Variants in IGFL2 observed in about 807,000 individuals in gnomAD.
IGFL2 encodes insulin growth factor-like family member 2.
Under a neutral mutation model 13.9 loss-of-function variants are expected in IGFL2, and 7 were observed. The observed-to-expected ratio is 0.51, with a 90% CI of 0.29 to 0.95. The LOEUF (loss-of-function observed/expected upper bound fraction) is 0.95. Ranked by LOEUF, IGFL2 falls within the 40% of genes least tolerant of loss-of-function variation. The probability of loss-of-function intolerance (pLI) is 0.08; values close to 1 mark genes in which losing one functional copy is unlikely to be tolerated. For missense variants in IGFL2, 138 were observed against 147.8 expected (o/e 0.93, Z 0.34); for synonymous variants, 55 against 55.8 (o/e 0.99, Z 0.07).
chr19:46,182,691 T>C, the IGFL2 span, among the ~76,000 whole-genome samples: 1 of 152,196 alleles, frequency 6.6e-6, no homozygotes, highest in Admixed American at 6.5e-5. Context: ...CGGTGTTGCA[T>C]GTGTCAGATC....
chr19:46,100,543 C>T, the IGFL2 span, among the ~76,000 whole-genome samples: 10 of 152,132 alleles, frequency 6.6e-5, no homozygotes, highest in African/African-American at 2.4e-4. Context: ...ATAACACAAA[C>T]AGAATGTGGT....
chr19:46,091,356 T>C, the IGFL2 span, among the ~76,000 whole-genome samples: 3 of 152,230 alleles, frequency 2.0e-5, no homozygotes, highest in Admixed American at 2.0e-4. Context: ...TGAAAGAATA[T>C]AGGCAAACTG....
intron 1 of IGFL2, among the ~76,000 whole-genome samples, chr19:46,153,839 ATT>A (rs1555744721): frequency 1.6e-4 from 22 of 139,356 alleles, no homozygotes; most frequent in South Asian, 1.1e-3. Flanking sequence ...ATATATATAT[ATT>A]TTTTTTACTT....
chr19:46,194,449 C>T, the IGFL2 span, among the ~76,000 whole-genome samples: 1 of 152,120 alleles, frequency 6.6e-6, no homozygotes, highest in Non-Finnish European at 1.5e-5. Context: ...TAACTTTCAT[C>T]ACTCATTGGG....
intron 1 of IGFL2, among the ~76,000 whole-genome samples, chr19:46,153,443 A>T (rs1043000966): frequency 2.0e-5 from 3 of 152,032 alleles, no homozygotes; most frequent in African/African-American, 4.8e-5. Flanking sequence ...ACATTTTTTC[A>T]TATACTTTTT....
the IGFL2 span, among the ~76,000 whole-genome samples, chr19:46,128,528 A>C: frequency 6.6e-6 from 1 of 152,138 alleles, no homozygotes; most frequent in Non-Finnish European, 1.5e-5. Context: ...TTCAATACCT[A>C]GTTTATTGAG....
the IGFL2 span, among the ~76,000 whole-genome samples, chr19:46,167,836 G>C: frequency 2.0e-4 from 31 of 152,212 alleles, no homozygotes; most frequent in African/African-American, 7.5e-4. Context: ...TCAGCACACA[G>C]TGAGAGGGCG....
At chr19:46,136,939 T>G in the IGFL2 span, 1 of 1,140,034 alleles carries the variant, frequency 8.8e-7, no homozygotes, top group Non-Finnish European at 1.3e-6. Flanking sequence ...GAGGTGTCTG[T>G]AAAGTTGTTG....
At chr19:46,109,223 G>A in the IGFL2 span, among the ~76,000 whole-genome samples, 3 of 152,162 alleles carry the variant, frequency 2.0e-5, no homozygotes, top group African/African-American at 4.8e-5. Context: ...GTTCTTATAG[G>A]TTTGGAATAG....
the IGFL2 span, among the ~76,000 whole-genome samples, chr19:46,080,296 G>A: frequency 6.6e-6 from 1 of 152,110 alleles, no homozygotes; most frequent in Admixed American, 6.5e-5. Flanking sequence ...CACTTTGGGA[G>A]GCCAAGATGG....
chr19:46,179,878 T>G, the IGFL2 span, among the ~76,000 whole-genome samples: 2 of 152,124 alleles, frequency 1.3e-5, no homozygotes, highest in East Asian at 3.9e-4. Flanking sequence ...ATTGTGCCAC[T>G]GCACTCCAGC....
At chr19:46,154,800 G>T (rs984654456) in intron 1 of IGFL2, among the ~76,000 whole-genome samples, 3 of 152,048 alleles carry the variant, frequency 2.0e-5, no homozygotes, top group Non-Finnish European at 2.9e-5. Context: ...CCTCTTCTTG[G>T]TTTTTTAGCA....
chr19:46,190,830 C>A, the IGFL2 span, among the ~76,000 whole-genome samples: 2 of 152,152 alleles, frequency 1.3e-5, no homozygotes, highest in African/African-American at 4.8e-5. Context: ...GATCTTTTTA[C>A]CATCAAAAAG....
At chr19:46,199,869 A>C in the IGFL2 span, among the ~76,000 whole-genome samples, 1 of 152,152 alleles carries the variant, frequency 6.6e-6, no homozygotes, top group Admixed American at 6.5e-5. Flanking sequence ...ACCCTTCTTC[A>C]TTCCTTTTTA....
chr19:46,121,358 C>T, the IGFL2 span, among the ~76,000 whole-genome samples: 1 of 144,874 alleles, frequency 6.9e-6, no homozygotes, highest in South Asian at 2.2e-4. Flanking sequence ...CATGCCACTG[C>T]ACTCCAGCCT....
chr19:46,205,659 G>C, the IGFL2 span, among the ~76,000 whole-genome samples: 1 of 152,062 alleles, frequency 6.6e-6, no homozygotes, highest in Admixed American at 6.6e-5. Context: ...TTAAACCCCT[G>C]CTCCTAAACC....
the IGFL2 span, among the ~76,000 whole-genome samples, chr19:46,083,580 A>G: frequency 1.3e-5 from 2 of 152,190 alleles, no homozygotes; most frequent in Non-Finnish European, 2.9e-5. Context: ...CTGAACATAC[A>G]CAACATTTTT....
the IGFL2 span, among the ~76,000 whole-genome samples, chr19:46,185,629 C>T: frequency 2.0e-5 from 3 of 152,204 alleles, no homozygotes; most frequent in Non-Finnish European, 4.4e-5. Context: ...TTAATTTCTT[C>T]TGAAGAGAAG....
At chr19:46,180,005 C>T in the IGFL2 span, among the ~76,000 whole-genome samples, 1 of 152,014 alleles carries the variant, frequency 6.6e-6, no homozygotes, top group Non-Finnish European at 1.5e-5. Context: ...TTGTTGGTAA[C>T]ACCTCACCAT....
Sources: allele counts gnomAD v4.1 joint callset (sites outside exome capture counted in the v4.1 genomes callset), GRCh38; gene constraint gnomAD v4.1.1; transcripts MANE v1.5; gene names NCBI Gene and HGNC (gene_info 2026-07-23, HGNC 2026-07-21).